Variants in CTNNA3 observed in about 807,000 individuals in gnomAD.
The protein encoded by CTNNA3 is catenin alpha 3.
A neutral mutation model predicts 95.7 loss-of-function variants in CTNNA3; 76 were observed. That is an observed-to-expected ratio of 0.79 (90% CI 0.66 to 0.96). The LOEUF is 0.96. Among genes scored for constraint, CTNNA3 ranks in the 40% least tolerant of loss-of-function variants. The pLI, the probability that CTNNA3 is intolerant of heterozygous loss-of-function variation, is 0.00. For synonymous variants in CTNNA3, 431 were observed against 374.4 expected (o/e 1.15, Z -1.74); for missense variants, 1,191 against 1,089.8 (o/e 1.09, Z -1.31).
In CTNNA3 at chr10:66,169,885, C is replaced by T. The variant is rs369060738; in HGVS notation, c.1885-66636G>A. 1.3e-4 allele frequency among the ~76,000 whole-genome samples: 20 copies of T among 151,974 alleles called. No individual in the cohort carries two copies. The East Asian group carries it at 3.9e-3, about 29-fold the overall frequency. ...GATGGGATTGTTTGGTTTTTTCTTGCTAATTTGTTTGAGTTCCATAGATTT... is the reference window on the plus strand; with the variant it reads ...GATGGGATTGTTTGGTTTTTTCTTGTTAATTTGTTTGAGTTCCATAGATTT... On this transcript the variant is annotated intron_variant, in intron 13 of 17. Coordinates refer to ENST00000433211, the MANE Select transcript of CTNNA3 (RefSeq NM_013266.4).
intron 1 of CTNNA3, among the ~76,000 whole-genome samples, chr10:67,651,712 A>G (rs1839882913): frequency 6.6e-6 from 1 of 152,120 alleles, no homozygotes; most frequent in African/African-American, 2.4e-5. Flanking sequence ...GGCTTTTCCC[A>G]ATGTTTTAAT....
chr10:66,409,907 C>T (rs899992110), intron 11 of CTNNA3, among the ~76,000 whole-genome samples: 3 of 152,170 alleles, frequency 2.0e-5, no homozygotes, highest in Admixed American at 1.3e-4. Context: ...GCCAGTTCTG[C>T]TCTGGGAAAT....
intron 3 of CTNNA3, among the ~76,000 whole-genome samples, chr10:67,575,658 A>T (rs773434308): frequency 6.6e-6 from 1 of 152,132 alleles, no homozygotes; most frequent in African/African-American, 2.4e-5. Flanking sequence ...CAAGCCAGAG[A>T]TTCTTTGGAT....
intron 2 of CTNNA3, among the ~76,000 whole-genome samples, chr10:67,645,199 A>G: frequency 6.6e-6 from 1 of 152,098 alleles, no homozygotes; most frequent in East Asian, 1.9e-4. Flanking sequence ...GCGCGCACAC[A>G]CACACACACA....
At chr10:66,020,270 C>T (rs1427799283) in intron 15 of CTNNA3, among the ~76,000 whole-genome samples, 1 of 152,138 alleles carries the variant, frequency 6.6e-6, no homozygotes, top group East Asian at 1.9e-4. Flanking sequence ...TAGACTTGAG[C>T]TGAAGAAAGT....
intron 3 of CTNNA3, among the ~76,000 whole-genome samples, chr10:67,574,842 A>T (rs1842093726): frequency 1.3e-5 from 2 of 152,202 alleles, no homozygotes; most frequent in South Asian, 4.1e-4. Context: ...CGGCCTCCCA[A>T]AGTGTTGGGA....
chr10:67,005,109 A>T (rs1851894694), intron 7 of CTNNA3, among the ~76,000 whole-genome samples: 1 of 152,124 alleles, frequency 6.6e-6, no homozygotes, highest in Non-Finnish European at 1.5e-5. Flanking sequence ...TTTTTTTTCC[A>T]ATGGAGAGAA....
chr10:66,525,719 T>C (rs1841233032), intron 10 of CTNNA3, among the ~76,000 whole-genome samples: 1 of 152,160 alleles, frequency 6.6e-6, no homozygotes, highest in African/African-American at 2.4e-5. Context: ...TGGCATTAAG[T>C]ACATTCACAT....
intron 7 of CTNNA3, among the ~76,000 whole-genome samples, chr10:67,112,397 A>C (rs1472525478): frequency 6.6e-6 from 1 of 152,062 alleles, no homozygotes; most frequent in Non-Finnish European, 1.5e-5. Context: ...AAGTGTATGT[A>C]ACTAGAGTCT....
chr10:66,875,420 G>T (rs1002857831), intron 7 of CTNNA3, among the ~76,000 whole-genome samples: 10 of 149,860 alleles, frequency 6.7e-5, no homozygotes, highest in African/African-American at 2.4e-4. Context: ...ATAGAAGAAA[G>T]TAAATAGCAG....
chr10:67,434,236 C>T (rs77911814), intron 5 of CTNNA3, among the ~76,000 whole-genome samples: 46 of 152,042 alleles, frequency 3.0e-4, no homozygotes, highest in African/African-American at 1.1e-3. Flanking sequence ...GCTGAGTAGC[C>T]TTGGGTAAGT....
chr10:67,723,546 A>C (rs566120253), intron 1 of CTNNA3, among the ~76,000 whole-genome samples: 4 of 151,902 alleles, frequency 2.6e-5, no homozygotes, highest in Admixed American at 6.6e-5. Context: ...TGCCTGCCTC[A>C]GCCTCCCAAA....
intron 1 of CTNNA3, among the ~76,000 whole-genome samples, chr10:67,680,024 A>G (rs1840597816): frequency 6.6e-6 from 1 of 152,212 alleles, no homozygotes; most frequent in Non-Finnish European, 1.5e-5. Context: ...CTGACTTTTA[A>G]TTATTATTAG....
intron 9 of CTNNA3, among the ~76,000 whole-genome samples, chr10:66,685,321 G>GTA (rs1564617397): frequency 0.025 from 542 of 21,940 alleles, 27 homozygotes; most frequent in African/African-American, 0.065. Context: ...GTGTGTGTAT[G>GTA]TGTGTATATA....
At chr10:67,070,450 G>A (rs982184936) in intron 7 of CTNNA3, among the ~76,000 whole-genome samples, 9 of 151,894 alleles carry the variant, frequency 5.9e-5, no homozygotes, top group Non-Finnish European at 1.2e-4. Flanking sequence ...TTTGTGTCCC[G>A]ATTAAGAAAT....
chr10:66,127,743 A>T (rs1289948574), intron 13 of CTNNA3, among the ~76,000 whole-genome samples: 3 of 152,230 alleles, frequency 2.0e-5, no homozygotes, highest in African/African-American at 7.2e-5. Flanking sequence ...AGATGTTAAT[A>T]ATAAGGGTAT....
chr10:67,362,740 T>C (rs1369259558), intron 5 of CTNNA3, among the ~76,000 whole-genome samples: 1 of 151,494 alleles, frequency 6.6e-6, no homozygotes, highest in Non-Finnish European at 1.5e-5. Context: ...AACACAGTAC[T>C]GGAAGTTCTA....
chr10:67,723,902 C>A (rs777867419), intron 1 of CTNNA3, among the ~76,000 whole-genome samples: 14 of 152,108 alleles, frequency 9.2e-5, no homozygotes, highest in African/African-American at 3.1e-4. Flanking sequence ...ATATGCATAT[C>A]CATCGAAGTT....
intron 5 of CTNNA3, among the ~76,000 whole-genome samples, chr10:67,345,261 A>G (rs931814073): frequency 2.6e-5 from 4 of 152,176 alleles, no homozygotes; most frequent in Non-Finnish European, 4.4e-5. Flanking sequence ...GACCTAACAC[A>G]TGGTCTATCC....
Sources: gnomAD v4.1 joint callset for allele counts (sites outside exome capture counted in the v4.1 genomes callset) on GRCh38, gnomAD v4.1.1 for gene constraint, MANE v1.5 for transcripts, NCBI Gene and HGNC (gene_info 2026-07-23, HGNC 2026-07-21) for gene names.